The following SLC30A8 variants were observed in gnomAD, a reference collection of about 807,000 sequenced individuals.
The protein encoded by SLC30A8 is solute carrier family 30 member 8.
A neutral mutation model predicts 36.9 loss-of-function variants in SLC30A8; 27 were observed. The observed-to-expected ratio is 0.73, with a 90% CI of 0.54 to 1.01. SLC30A8 has a LOEUF of 1.01. SLC30A8 is among the 50% of genes least tolerant of loss of function. SLC30A8 has a pLI of 0.00. For missense variants in SLC30A8, 439 were observed against 452.0 expected, an observed-to-expected ratio of 0.97 and a Z score of 0.26; for synonymous variants, 164 against 172.4, an observed-to-expected ratio of 0.95 and a Z score of 0.38.
intron 2 of SLC30A8, among the ~76,000 whole-genome samples, chr8:117,092,263 T>A (rs1819164965): frequency 6.6e-6 from 1 of 152,218 alleles, no homozygotes; most frequent in African/African-American, 2.4e-5. Flanking sequence ...AATGTTCTTA[T>A]ATTTGCATTT....
rs932956445 is a variant in SLC30A8 at position 117,174,526 on chromosome 8, G to A, written c.*1845G>A. 6.6e-6 allele frequency: 1 copy of A among 152,426 alleles called. No individual in the cohort carries two copies. Among genetic ancestry groups the A allele is most frequent in the Non-Finnish European group, 1.5e-5 (1 of 68,008 alleles). The allele number at this position is 152,426 out of a possible 1,614,324, so 9.4% of individuals were successfully genotyped here. On this transcript the variant is annotated 3_prime_UTR_variant, in exon 8 of 8. Coordinates refer to ENST00000456015, the MANE Select transcript of SLC30A8 (RefSeq NM_173851.3). ...GGTTCCCAACGTCTCCTGCCACATC[G>A]GGTTCTCAAAATGGAAAGAATGGTT...
intron 2 of SLC30A8, among the ~76,000 whole-genome samples, chr8:117,052,079 C>T (rs567040721): frequency 2.0e-5 from 3 of 152,198 alleles, no homozygotes; most frequent in African/African-American, 2.4e-5. Context: ...GGTGACATCT[C>T]GGCTCTCTGC....
chr8:117,124,687 G>A (rs1216050429), intron 2 of SLC30A8, among the ~76,000 whole-genome samples: 4 of 148,494 alleles, frequency 2.7e-5, no homozygotes, highest in South Asian at 2.1e-4. Flanking sequence ...AGTGAATAAC[G>A]GTAAAGGAAC....
At chr8:117,120,991 A>C (rs1820673094) in intron 2 of SLC30A8, among the ~76,000 whole-genome samples, 1 of 151,784 alleles carries the variant, frequency 6.6e-6, no homozygotes, top group South Asian at 2.1e-4. Flanking sequence ...CAAACAAAAA[A>C]TAAGGGTCTC....
At chr8:117,101,065 G>A (rs16889402) in intron 2 of SLC30A8, among the ~76,000 whole-genome samples, 48,921 of 152,008 alleles carry the variant, frequency 0.32, 8,902 homozygotes, top group African/African-American at 0.5. Flanking sequence ...AATGATAGAA[G>A]CTACCAGATA....
At chr8:116,980,753 A>G (rs1253636396) in intron 1 of SLC30A8, among the ~76,000 whole-genome samples, 1 of 152,188 alleles carries the variant, frequency 6.6e-6, no homozygotes, top group African/African-American at 2.4e-5. Flanking sequence ...TCGAAAGGCA[A>G]CTACCATCAC....
At chr8:117,116,437 GT>G (rs1820451434) in intron 2 of SLC30A8, among the ~76,000 whole-genome samples, 1 of 152,022 alleles carries the variant, frequency 6.6e-6, no homozygotes, top group Admixed American at 6.6e-5. Flanking sequence ...GGCATATTGT[GT>G]GACTCCTGTT....
chr8:117,089,370 C>T (rs60498896), intron 2 of SLC30A8, among the ~76,000 whole-genome samples: 4,453 of 152,238 alleles, frequency 0.029, 148 homozygotes, highest in African/African-American at 0.085. Flanking sequence ...TTTGCATCTC[C>T]CATCTCCCCA....
chr8:117,053,993 C>G (rs115005695), intron 2 of SLC30A8, among the ~76,000 whole-genome samples: 1 of 151,698 alleles, frequency 6.6e-6, no homozygotes, highest in African/African-American at 2.4e-5. Context: ...AATCTATGCT[C>G]TTTCCATTAT....
At chr8:117,124,135 A>T (rs1820801909) in intron 2 of SLC30A8, among the ~76,000 whole-genome samples, 1 of 151,958 alleles carries the variant, frequency 6.6e-6, no homozygotes, top group Non-Finnish European at 1.5e-5. Context: ...CTTTTCATGT[A>T]TTGAGACTCA....
intron 1 of SLC30A8, among the ~76,000 whole-genome samples, chr8:116,996,676 C>A (rs987492074): frequency 6.6e-6 from 1 of 151,976 alleles, no homozygotes; most frequent in African/African-American, 2.4e-5. Flanking sequence ...CACACATTTA[C>A]CCTTGTATAG....
chr8:117,038,857 C>T (rs917010472), intron 1 of SLC30A8, among the ~76,000 whole-genome samples: 3 of 152,246 alleles, frequency 2.0e-5, no homozygotes, highest in Non-Finnish European at 4.4e-5. Context: ...TAGGTCATCA[C>T]AACCATCCCA....
rs145600989 is a variant in SLC30A8 at position 117,095,666 on chromosome 8, C to G, written c.-225-39614C>G. 1.7e-3 allele frequency among the ~76,000 whole-genome samples: 255 copies of G among 152,164 alleles called. 1 individual carries two copies. The highest frequency in any genetic ancestry group is 5.9e-3 in the African/African-American group (245 of 41,514). ...GTCAAAGCCTCCCGATAAAGCTTCCCCAGAATCCATTGCCTTGTTCATTCC... is the reference window on the plus strand; with the variant it reads ...GTCAAAGCCTCCCGATAAAGCTTCCGCAGAATCCATTGCCTTGTTCATTCC... On this transcript the variant is annotated intron_variant, in intron 2 of 10. Coordinates refer to the SLC30A8 transcript ENST00000427715.
intron 6 of SLC30A8, among the ~76,000 whole-genome samples, chr8:117,169,881 C>T (rs1292825930): frequency 6.6e-6 from 1 of 152,092 alleles, no homozygotes; most frequent in Non-Finnish European, 1.5e-5. Flanking sequence ...GGCCCCATTT[C>T]CAGCATTAGG....
intron 2 of SLC30A8, among the ~76,000 whole-genome samples, chr8:117,054,387 C>T (rs1017574154): frequency 1.3e-5 from 2 of 152,146 alleles, no homozygotes; most frequent in East Asian, 3.9e-4. Context: ...AGGCATGAGC[C>T]ACTGTGCCCA....
rs1822810636 is a variant in SLC30A8, at chr8:117,161,885, T to C, written c.720T>C (p.Phe240=). ...TAATTAGTGCACTTATTATCTACTT[T>C]AAGGTGAGTTTGAGTTTACCCACCA... ...SVLISALIIY[F]KPEYKIADPI... Residue 240 remains phenylalanine (F), a synonymous_variant, in exon 5 of 8, where the codon TTT becomes TTC. Coordinates refer to ENST00000456015, the MANE Select transcript of SLC30A8 (RefSeq NM_173851.3). The C allele has an allele frequency of 6.2e-7, 1 of 1,611,228 alleles. No individual in the cohort carries two copies. Among genetic ancestry groups the C allele is most frequent in the Admixed American group, 1.7e-5 (1 of 59,824 alleles).
intron 1 of SLC30A8, among the ~76,000 whole-genome samples, chr8:117,020,047 C>T (rs1010217742): frequency 2.0e-5 from 3 of 152,120 alleles, no homozygotes; most frequent in South Asian, 2.1e-4. Context: ...GATGATAGAA[C>T]GCAATTGCCT....
chr8:117,125,063 CTT>C (rs1820846064), intron 2 of SLC30A8, among the ~76,000 whole-genome samples: 1 of 151,942 alleles, frequency 6.6e-6, no homozygotes, highest in South Asian at 2.1e-4. Context: ...TGAAAGAACT[CTT>C]TTCATTTGGG....
chr8:116,965,911 T>G (rs1392842923), intron 1 of SLC30A8, among the ~76,000 whole-genome samples: 1 of 148,412 alleles, frequency 6.7e-6, no homozygotes, highest in South Asian at 2.1e-4. Context: ...GGAGATGGAG[T>G]CTTGCTCTGT....
Sources: allele counts gnomAD v4.1 joint callset (sites outside exome capture counted in the v4.1 genomes callset), GRCh38; gene constraint gnomAD v4.1.1; transcripts MANE v1.5; gene names NCBI Gene and HGNC (gene_info 2026-07-23, HGNC 2026-07-21).